The following ROCK1 variants were observed in gnomAD, a reference collection of about 807,000 sequenced individuals.
The protein encoded by ROCK1 is rho-associated protein kinase 1.
ROCK1 carries 36 observed loss-of-function variants against 196.8 expected under a neutral mutation model. That is an observed-to-expected ratio of 0.18 (90% CI 0.14 to 0.24). The LOEUF (loss-of-function observed/expected upper bound fraction) is 0.24, where lower values mean the gene tolerates loss of function less well. Among genes scored for constraint, ROCK1 ranks in the 10% least tolerant of loss-of-function variants. The pLI, the probability that ROCK1 is intolerant of heterozygous loss-of-function variation, is 1.00. For missense variants in ROCK1, 920 were observed against 1,562.0 expected, an observed-to-expected ratio of 0.59 and a Z score of 6.93; for synonymous variants, 443 against 515.9, an observed-to-expected ratio of 0.86 and a Z score of 1.91.
At chr18:21,028,616 G>T (rs1489083132) in intron 10 of ROCK1, among the ~76,000 whole-genome samples, 160 bp downstream of exon 10, 1 of 152,028 alleles carries the variant, frequency 6.6e-6, no homozygotes, top group South Asian at 2.1e-4. Flanking sequence ...GAGTCCAAGA[G>T]AAATTAAATA....
intron 1 of ROCK1, among the ~76,000 whole-genome samples, chr18:21,084,188 A>G (rs2036506337): frequency 6.6e-6 from 1 of 151,702 alleles, no homozygotes; most frequent in African/African-American, 2.4e-5. Context: ...AAGAAAACAT[A>G]GGGGGAAGCT....
intron 10 of ROCK1, among the ~76,000 whole-genome samples, chr18:21,023,975 C>G (rs190434518): frequency 3.3e-4 from 50 of 152,260 alleles, no homozygotes; most frequent in African/African-American, 1.1e-3. Flanking sequence ...ACCATAGTCT[C>G]AAGTTAGTTC....
intron 2 of ROCK1, among the ~76,000 whole-genome samples, chr18:21,052,595 T>G (rs1598544797): frequency 6.6e-6 from 1 of 152,056 alleles, no homozygotes; most frequent in Admixed American, 6.6e-5. Flanking sequence ...CAGCATGAGG[T>G]GAGCAGTGGG....
chr18:20,974,347 G>C (rs932702668), intron 22 of ROCK1, among the ~76,000 whole-genome samples: 1 of 152,164 alleles, frequency 6.6e-6, no homozygotes, highest in Non-Finnish European at 1.5e-5. Flanking sequence ...CCAAATCTAA[G>C]AATATTGGGA....
At chr18:21,064,294 A>G (rs1368323964) in intron 2 of ROCK1, among the ~76,000 whole-genome samples, 1 of 152,136 alleles carries the variant, frequency 6.6e-6, no homozygotes, top group Non-Finnish European at 1.5e-5. Flanking sequence ...TCCCTCTCAG[A>G]ACTGTCCTTC....
In ROCK1 at chr18:20,987,005, T is replaced by A; in HGVS notation, c.2249A>T (p.Gln750Leu). ...CAAATGTTCTAGTTTCTGCTGAGAT[T>A]GCTTCAGATCAACGTCTAGCATGGA... is the stretch of plus-strand genomic sequence containing the variant. ...QCSMLDVDLK[Q>L]SQQKLEHLTG... Residue 750 changes from glutamine to leucine, a missense_variant, in exon 19 of 33, where the codon CAA becomes CTA. Physicochemically the swap from Gln to Leu is moderately radical, Grantham distance 113 (BLOSUM62 -2). Transcript: ENST00000399799. 1 of 1,610,156 alleles carries A rather than the reference T, an allele frequency of 6.2e-7. No homozygotes were observed. Among genetic ancestry groups the A allele is most frequent in the South Asian group, 1.1e-5 (1 of 89,708 alleles).
At chr18:20,982,682 A>C in intron 21 of ROCK1, 81 bp downstream of exon 21, 2 of 686,292 alleles carry the variant, frequency 2.9e-6, no homozygotes, top group Non-Finnish European at 5.3e-6. Context: ...AAAGAATTAC[A>C]GTTCACATAA....
rs560484711 is a variant in ROCK1, at chr18:21,059,774, G to A, written c.176-9894C>T. 2.0e-5 allele frequency among the ~76,000 whole-genome samples: 3 copies of A among 152,214 alleles called. No homozygotes were observed. In the East Asian group the frequency reaches 5.8e-4, roughly 29 times the overall value. On this transcript the variant is annotated intron_variant, in intron 2 of 32. Coordinates refer to ENST00000399799, the MANE Select transcript of ROCK1 (RefSeq NM_005406.3). ...GCAGCATTATTCATAAAAGCCAAAAGAGAATCAATACAAATGTCCATCAGC... is the reference window on the plus strand; with the variant it reads ...GCAGCATTATTCATAAAAGCCAAAAAAGAATCAATACAAATGTCCATCAGC...
rs9946192 is a variant in ROCK1, at chr18:21,028,413, C to T, written c.1211+363G>A. On this transcript the variant is annotated intron_variant, in intron 10 of 32. Transcript: ENST00000399799. ...CCTGGGTGACAGAGCAAGACTCCAT[C>T]GTGGAAAAAAACAAAACAAAACAAA... Among the ~76,000 whole-genome samples, 1,176 of 151,426 alleles carry T rather than the reference C, an allele frequency of 7.8e-3. 14 individuals carry two copies. Among genetic ancestry groups the T allele is most frequent in the African/African-American group, 0.027 (1,134 of 41,280 alleles).
intron 9 of ROCK1, among the ~76,000 whole-genome samples, chr18:21,037,286 C>T (rs2036065899): frequency 6.6e-6 from 1 of 152,160 alleles, no homozygotes; most frequent in Admixed American, 6.5e-5. Flanking sequence ...CCTGCTCCCA[C>T]ATTACCAAGG....
At chr18:21,025,562 C>G (rs1313406760) in intron 10 of ROCK1, among the ~76,000 whole-genome samples, 1 of 152,012 alleles carries the variant, frequency 6.6e-6, no homozygotes, top group East Asian at 1.9e-4. Context: ...CATGGCAAAA[C>G]CCCATCTCTA....
chr18:20,980,510 T>A (rs1469755806), intron 21 of ROCK1, among the ~76,000 whole-genome samples: 1 of 152,114 alleles, frequency 6.6e-6, no homozygotes, highest in Non-Finnish European at 1.5e-5. Context: ...AGGGAACTTT[T>A]TGCAGTGAAA....
intron 22 of ROCK1, among the ~76,000 whole-genome samples, chr18:20,972,365 G>A (rs976608354): frequency 3.9e-5 from 6 of 152,130 alleles, no homozygotes; most frequent in African/African-American, 1.4e-4. Context: ...TTCTGGACAC[G>A]TTAAATGTGG....
At chr18:20,992,629 G>C (rs1427935750) in intron 17 of ROCK1, among the ~76,000 whole-genome samples, 1 of 152,002 alleles carries the variant, frequency 6.6e-6, no homozygotes, top group East Asian at 1.9e-4. Flanking sequence ...ATGCTCTCTA[G>C]GGTAAAAACA....
chr18:21,072,107 C>T (rs548568519), intron 1 of ROCK1, among the ~76,000 whole-genome samples: 2 of 152,264 alleles, frequency 1.3e-5, no homozygotes, highest in South Asian at 4.1e-4. Flanking sequence ...TAAACCCTTC[C>T]CCAATGCAGT....
rs1230356469 is a variant in ROCK1 at position 21,045,566 on chromosome 18, A to G, written c.415-99T>C. 5.3e-6 allele frequency: 5 copies of G among 936,974 alleles called. No individual in the cohort carries two copies. The African/African-American group carries it at 8.4e-5, about 16-fold the overall frequency. The allele number at this position is 936,974 out of a possible 1,614,324, so 58.0% of individuals were successfully genotyped here. A position where few individuals can be genotyped will look rare whatever the true frequency, so the allele number is the denominator to read the frequency against. On this transcript the variant is annotated intron_variant, in intron 4 of 32. Transcript: ENST00000399799. ...AAAATGTTAATAAAAGATTTAAGTA[A>G]AATAATCAAATTACAGAAGTTGCAA...
chr18:20,966,413 AT>A (rs908806353), intron 27 of ROCK1, among the ~76,000 whole-genome samples: 2 of 152,072 alleles, frequency 1.3e-5, no homozygotes, highest in African/African-American at 4.8e-5. Flanking sequence ...TGCCCAACCC[AT>A]TTTATCTATT....
Position 21,111,249 on chromosome 18 carries a change from TC to T in ROCK1, c.-340del, listed in dbSNP as rs2036749342. The T allele has an allele frequency of 2.1e-6, 1 of 474,520 alleles. No homozygotes were observed. The highest frequency in any genetic ancestry group is 2.0e-5 in the African/African-American group (1 of 49,170). 29.4% of individuals were successfully genotyped at this position (474,520 alleles called of 1,614,324 possible). On this transcript the variant is annotated 5_prime_UTR_variant, in exon 1 of 33. Transcript: ENST00000399799. This position sits in a 1 kb window ranked among gnomAD's most constrained non-coding sequence, Gnocchi z 4.2. ...CCCGGCCGCCGTCGCCATGGAGGGG[TC>T]CCCGTCCCGAGATGGGCAGGAGCGG...
At chr18:21,085,249 G>A (rs920563598) in intron 1 of ROCK1, among the ~76,000 whole-genome samples, 1 of 146,028 alleles carries the variant, frequency 6.8e-6, no homozygotes, top group African/African-American at 2.5e-5. Flanking sequence ...GGCGGATGCA[G>A]TGGCATGCAC....
Sources: allele counts gnomAD v4.1 joint callset (sites outside exome capture counted in the v4.1 genomes callset), GRCh38; gene constraint gnomAD v4.1.1; non-coding constraint Gnocchi (gnomAD v3.1); transcripts MANE v1.5; gene names NCBI Gene and HGNC (gene_info 2026-07-23, HGNC 2026-07-21).